DBX2: variants seen among roughly 807,000 people sequenced by gnomAD.
The protein encoded by DBX2 is homeobox protein DBX2.
Under a neutral mutation model 17.7 loss-of-function variants are expected in DBX2, and 16 were observed. That is an observed-to-expected ratio of 0.90 (90% CI 0.61 to 1.37). The LOEUF is 1.37. Among genes scored for constraint, DBX2 ranks in the 40% most tolerant of loss-of-function variants. DBX2 has a pLI of 0.00. For synonymous variants in DBX2, 255 were observed against 183.8 expected, an observed-to-expected ratio of 1.39 and a Z score of -3.13; for missense variants, 538 against 433.8, an observed-to-expected ratio of 1.24 and a Z score of -2.13.
chr12:45,022,411 C>T (rs1267137343), intron 3 of DBX2, among the ~76,000 whole-genome samples: 1 of 141,800 alleles, frequency 7.1e-6, no homozygotes, highest in Non-Finnish European at 1.5e-5. Flanking sequence ...TCACGCCATT[C>T]TCCTGCCTCA....
At chr12:45,049,007 T>C (rs1946515089) in intron 1 of DBX2, among the ~76,000 whole-genome samples, 1 of 152,222 alleles carries the variant, frequency 6.6e-6, no homozygotes, top group Admixed American at 6.5e-5. Flanking sequence ...TTTTAACCTT[T>C]AGTTGCAATA....
At chr12:45,039,321 A>ATATATATATG (rs1946458727) in intron 1 of DBX2, among the ~76,000 whole-genome samples, 1 of 103,660 alleles carries the variant, frequency 9.6e-6, no homozygotes. Flanking sequence ...ATATATATAT[A>ATATATATATG]TGTATCACAC....
intron 2 of DBX2, among the ~76,000 whole-genome samples, chr12:45,029,863 T>TA (rs142217508): frequency 6.6e-4 from 82 of 124,604 alleles, no homozygotes; most frequent in South Asian, 1.4e-3. Context: ...GACTCCATCT[T>TA]AAAAAAAAAA....
chr12:45,049,715 T>C (rs767818150), intron 1 of DBX2, among the ~76,000 whole-genome samples: 142 of 152,218 alleles, frequency 9.3e-4, no homozygotes, highest in Non-Finnish European at 1.9e-3. Context: ...CTAAGAGGCT[T>C]TTCCCTTTTA....
At chr12:45,047,281 C>T (rs1406544890) in intron 1 of DBX2, among the ~76,000 whole-genome samples, 14 of 152,078 alleles carry the variant, frequency 9.2e-5, no homozygotes, top group Admixed American at 9.2e-4. Flanking sequence ...GTCTAATAAT[C>T]AGAGTTTACT....
chr12:45,021,316 G>A (rs1434973045), intron 3 of DBX2, among the ~76,000 whole-genome samples: 4 of 152,156 alleles, frequency 2.6e-5, no homozygotes, highest in African/African-American at 4.8e-5. Context: ...TGTGCCTATG[G>A]ATAAGAACCA....
chr12:45,016,859 C>G (rs1175285637), intron 3 of DBX2, among the ~76,000 whole-genome samples: 1 of 152,108 alleles, frequency 6.6e-6, no homozygotes, highest in Non-Finnish European at 1.5e-5. Flanking sequence ...TCTCAGCTCA[C>G]TGCAACCTCC....
chr12:45,022,994 AT>A (rs1946361807), intron 3 of DBX2, among the ~76,000 whole-genome samples: 1 of 152,218 alleles, frequency 6.6e-6, no homozygotes, highest in East Asian at 1.9e-4. Context: ...AACGGGGATT[AT>A]TATAGTGTGT....
At chr12:45,033,865 C>T (rs1443643349) in intron 2 of DBX2, among the ~76,000 whole-genome samples, 1 of 152,010 alleles carries the variant, frequency 6.6e-6, no homozygotes, top group Non-Finnish European at 1.5e-5. Context: ...GGGATAAACA[C>T]TATAATTTAC....
At chr12:45,018,361 T>A (rs956940555) in intron 3 of DBX2, among the ~76,000 whole-genome samples, 1 of 152,072 alleles carries the variant, frequency 6.6e-6, no homozygotes, top group African/African-American at 2.4e-5. Context: ...ATAAAAGGAG[T>A]TTCCTCACAA....
At chr12:45,048,792 T>C (rs2137034194) in intron 1 of DBX2, among the ~76,000 whole-genome samples, 1 of 152,328 alleles carries the variant, frequency 6.6e-6, no homozygotes. Flanking sequence ...TGAAAATTAA[T>C]CTAGAACATC....
In DBX2 at chr12:45,016,984, T is replaced by A. The variant is rs1242350940; in HGVS notation, c.688-366A>T. On this transcript the variant is annotated intron_variant, in intron 3 of 3. Coordinates refer to ENST00000332700, the MANE Select transcript of DBX2 (RefSeq NM_001004329.3). ...TTTTTTTTGTACAGACAGGGTTTCA[T>A]CATGTTGCCCAGGCTGGTCTTGAAC... Among the ~76,000 whole-genome samples, 3 of 151,958 alleles carry A rather than the reference T, an allele frequency of 2.0e-5. No homozygotes were observed. In the East Asian group the frequency reaches 5.8e-4, roughly 29 times the overall value.
chr12:45,022,633 A>G (rs1946359938), intron 3 of DBX2, among the ~76,000 whole-genome samples: 1 of 152,124 alleles, frequency 6.6e-6, no homozygotes, highest in Admixed American at 6.5e-5. Flanking sequence ...GTCCAAAATT[A>G]ACCACCAGGT....
At chr12:45,042,198 C>T (rs2137030812) in intron 1 of DBX2, among the ~76,000 whole-genome samples, 1 of 152,236 alleles carries the variant, frequency 6.6e-6, no homozygotes, top group South Asian at 2.1e-4. Context: ...TGTAGACATT[C>T]AATAAATGTT....
At chr12:45,022,296 C>CTTT in intron 3 of DBX2, among the ~76,000 whole-genome samples, 1 of 91,276 alleles carries the variant, frequency 1.1e-5, no homozygotes, top group Non-Finnish European at 2.1e-5. Flanking sequence ...CCAATAATAA[C>CTTT]TGTTTTTTTT....
chr12:45,047,703 C>T (rs1946507367), intron 1 of DBX2, among the ~76,000 whole-genome samples: 1 of 152,082 alleles, frequency 6.6e-6, no homozygotes, highest in African/African-American at 2.4e-5. Flanking sequence ...TATTGTGATA[C>T]TATGTAATTG....
chr12:45,044,950 T>G (rs1251455758), intron 1 of DBX2, among the ~76,000 whole-genome samples: 1 of 152,150 alleles, frequency 6.6e-6, no homozygotes, highest in East Asian at 1.9e-4. Flanking sequence ...GTGGAAACAT[T>G]ACTGAAAGTA....
chr12:45,049,676 A>G (rs1946518623), intron 1 of DBX2, among the ~76,000 whole-genome samples: 1 of 151,750 alleles, frequency 6.6e-6, no homozygotes, highest in Admixed American at 6.6e-5. Flanking sequence ...AAAAAAAAAA[A>G]ATCCAATTGG....
rs879561838 is a variant in DBX2, at chr12:45,015,005, G to A, written c.*1281C>T. ...TGCCACTTAATGAACTTCTGATAGT[G>A]TTTCTTGTCCACAGATTGATAAGAG... On this transcript the variant is annotated 3_prime_UTR_variant, in exon 4 of 4. Coordinates refer to ENST00000332700, the MANE Select transcript of DBX2 (RefSeq NM_001004329.3). 1 of 152,164 alleles carries A rather than the reference G, an allele frequency of 6.6e-6. No homozygotes were observed. Among genetic ancestry groups the A allele is most frequent in the Non-Finnish European group, 1.5e-5 (1 of 68,006 alleles). 9.4% of individuals were successfully genotyped at this position (152,164 alleles called of 1,614,324 possible).
Sources: allele counts gnomAD v4.1 joint callset (sites outside exome capture counted in the v4.1 genomes callset), GRCh38; gene constraint gnomAD v4.1.1; transcripts MANE v1.5; gene names NCBI Gene and HGNC (gene_info 2026-07-23, HGNC 2026-07-21).